The following C12orf71 variants were observed in gnomAD, a reference collection of about 807,000 sequenced individuals.
The protein encoded by C12orf71 is chromosome 12 open reading frame 71, also known as uncharacterized protein C12orf71.
In C12orf71, 10 loss-of-function variants were observed where a neutral mutation model predicts 11.7. The observed-to-expected ratio is 0.86, with a 90% CI of 0.53 to 1.45. The LOEUF is 1.45. Among genes scored for constraint, C12orf71 ranks in the 40% most tolerant of loss-of-function variants. The pLI, the probability that C12orf71 is intolerant of heterozygous loss-of-function variation, is 0.00. For missense variants in C12orf71, 293 were observed against 325.8 expected, an observed-to-expected ratio of 0.90 and a Z score of 0.78; for synonymous variants, 110 against 123.4, an observed-to-expected ratio of 0.89 and a Z score of 0.72.
chr12:27,082,263 T>C lies in C12orf71; in HGVS notation c.221A>G (p.Asp74Gly). 3.1e-6 allele frequency: 5 copies of C among 1,611,740 alleles called. No individual in the cohort carries two copies. Among genetic ancestry groups the C allele is most frequent in the African/African-American group, 2.7e-5 (2 of 74,888 alleles). ...CTGCTCTGGTTCATCCTGAATTTGG[T>C]CTTGTCTCTTCATGCGTCTCCCTAT... The part of the protein sequence containing the change: ...ERIGRRMKRQ[D>G]QIQDEPEQFC... The change falls in exon 1 of 2, where the codon GAC becomes GGC. Residue 74 changes from aspartate (D) to glycine (G), a missense_variant. Asp to Gly is a moderately conservative substitution (Grantham distance 94, BLOSUM62 -1). Coordinates refer to ENST00000429849, the MANE Select transcript of C12orf71 (RefSeq NM_001080406.2).
intron 1 of C12orf71, 73 bp downstream of exon 1, chr12:27,081,895 A>G (rs1941936251): frequency 7.0e-7 from 1 of 1,435,164 alleles, no homozygotes; most frequent in Non-Finnish European, 9.6e-7. Context: ...TGTGGAGACT[A>G]CATAACATCT....
Position 27,082,223 on chromosome 12 carries a change from G to C in C12orf71, c.261C>G (p.Ser87Arg). 1.9e-6 allele frequency: 3 copies of C among 1,613,642 alleles called. No individual in the cohort carries two copies. The South Asian group carries it at 3.3e-5, about 18-fold the overall frequency. ...QDEPEQFCKL[S>R]IFLAWDVDIG... Reference sequence around the variant, plus strand: ...TGTCCACGTCCCAGGCCAGGAAGATGCTTAGTTTGCAAAACTGCTCTGGTT... The same window carrying C: ...TGTCCACGTCCCAGGCCAGGAAGATCCTTAGTTTGCAAAACTGCTCTGGTT... The change falls in exon 1 of 2, where the codon AGC becomes AGG. Residue 87 changes from serine to arginine, a missense_variant. Coordinates refer to ENST00000429849, the MANE Select transcript of C12orf71 (RefSeq NM_001080406.2).
chr12:27,081,587 G>T, intron 1 of C12orf71, 120 bp from the exon 2 acceptor site: 1 of 946,200 alleles, frequency 1.1e-6, no homozygotes, highest in African/African-American at 1.6e-5. Flanking sequence ...TCAATGCAGA[G>T]TTTCAATGCT....
chr12:27,083,876 A>G (rs2136524037), upstream of C12orf71, among the ~76,000 whole-genome samples: 1 of 152,336 alleles, frequency 6.6e-6, no homozygotes. Context: ...CCACCGTCTG[A>G]TGACACTGTT....
chr12:27,081,472 C>T lies in C12orf71; in HGVS notation c.517-5G>A, dbSNP rs1339115230. ...GGCGGTTGCCTGGCTTATCATCTGC[C>T]ATGAAAATGAAGGATGTGTTAGGTA... On this transcript the variant is annotated splice_region_variant and splice_polypyrimidine_tract_variant and intron_variant, in intron 1 of 1. Coordinates refer to ENST00000429849, the MANE Select transcript of C12orf71 (RefSeq NM_001080406.2). 2 of 1,603,028 alleles carry T rather than the reference C, an allele frequency of 1.2e-6. No homozygotes were observed. Among genetic ancestry groups the T allele is most frequent in the Middle Eastern group, 1.7e-4 (1 of 6,016 alleles).
chr12:27,081,816 C>T, intron 1 of C12orf71, 152 bp downstream of exon 1: 1 of 856,712 alleles, frequency 1.2e-6, no homozygotes, highest in East Asian at 2.6e-5. Context: ...CCAGGCCTAT[C>T]CCTTCCTGTC....
At chr12:27,082,947 GTT>G (rs111300701), upstream of C12orf71, among the ~76,000 whole-genome samples, 1 of 141,110 alleles carries the variant, frequency 7.1e-6, no homozygotes. Context: ...GTTTGTTTTT[GTT>G]TTTTTTTTTG....
chr12:27,081,667 C>T (rs74075110), intron 1 of C12orf71, among the ~76,000 whole-genome samples, 200 bp from the exon 2 acceptor site: 26,707 of 151,810 alleles, frequency 0.18, 2,836 homozygotes, highest in African/African-American at 0.3. Flanking sequence ...TGCTTGCTAC[C>T]CTCTTGTTTC....
Position 27,081,124 on chromosome 12 carries a change from A to G in C12orf71, c.*50T>C, listed in dbSNP as rs563920102. 2 of 1,395,940 alleles carry G rather than the reference A, an allele frequency of 1.4e-6. No individual in the cohort carries two copies. The highest frequency in any genetic ancestry group is 4.6e-5 in the East Asian group (2 of 43,452). 86.5% of individuals were successfully genotyped at this position (1,395,940 alleles called of 1,614,324 possible). A position where few individuals can be genotyped will look rare whatever the true frequency, so the allele number is the denominator to read the frequency against. The stretch of plus-strand genomic sequence containing the variant: ...ACAAACTGATGGGGATTATTAATGG[A>G]ATCCTTATTATGGATTATTTTAAAC... On this transcript the variant is annotated 3_prime_UTR_variant, in exon 2 of 2. Coordinates refer to ENST00000429849, the MANE Select transcript of C12orf71 (RefSeq NM_001080406.2).
Position 27,082,144 on chromosome 12 carries a change from G to T in C12orf71, c.340C>A (p.Leu114Met), listed in dbSNP as rs549676884. 1.2e-6 allele frequency: 2 copies of T among 1,613,720 alleles called. No individual in the cohort carries two copies. The highest frequency in any genetic ancestry group is 1.7e-5 in the Admixed American group (1 of 59,976). The change falls in exon 1 of 2, where the codon CTG becomes ATG. Residue 114 changes from leucine to methionine, a missense_variant. Coordinates refer to ENST00000429849, the MANE Select transcript of C12orf71 (RefSeq NM_001080406.2). Reference protein sequence around the residue: ...RANRLLNGDNLWIDKLPKERT... With the variant: ...RANRLLNGDNMWIDKLPKERT... ...TCTTTTGGTAACTTGTCTATCCACA[G>T]GTTGTCTCCATTTAGAAGCCTATTA...
rs776062388 is a variant in C12orf71 at position 27,082,102 on chromosome 12, C to CA, written c.381dup (p.Val128CysfsTer6). ...TGCACAAGATTATTCAGTTTGCCAACAGACAGTTTTGTTCTCTCTTTTGGT... is the reference window on the plus strand; with the variant it reads ...TGCACAAGATTATTCAGTTTGCCAACAAGACAGTTTTGTTCTCTCTTTTGGT... On this transcript the variant is annotated frameshift_variant, in exon 1 of 2. Transcript: ENST00000429849. LOFTEE classifies it high-confidence loss of function. The CA allele has an allele frequency of 3.7e-6, 6 of 1,612,466 alleles. No homozygotes were observed. The South Asian group carries it at 6.6e-5, about 18-fold the overall frequency.
chr12:27,083,857 C>A (rs945563316), upstream of C12orf71, among the ~76,000 whole-genome samples: 2 of 152,172 alleles, frequency 1.3e-5, no homozygotes, highest in Non-Finnish European at 2.9e-5. Flanking sequence ...TATTTAGATG[C>A]CCATCCTCCC....
At chr12:27,083,132 G>A (rs1228216459), upstream of C12orf71, among the ~76,000 whole-genome samples, 1 of 151,920 alleles carries the variant, frequency 6.6e-6, no homozygotes, top group Non-Finnish European at 1.5e-5. Context: ...AGTAGAGAAG[G>A]GGTTTCACCA....
chr12:27,083,737 C>T (rs1030859916), upstream of C12orf71, among the ~76,000 whole-genome samples: 4 of 152,142 alleles, frequency 2.6e-5, no homozygotes, highest in African/African-American at 9.7e-5. Flanking sequence ...TTCCATAAAT[C>T]TTTGACTATG....
rs1283190887 is a variant in C12orf71, at chr12:27,081,163, T to C, written c.*11A>G. On this transcript the variant is annotated 3_prime_UTR_variant, in exon 2 of 2. Transcript: ENST00000429849. Reference sequence around the variant, plus strand: ...ATTATTTTAAACTTTCCAAAAAGTTTAAAAATCTGTCTATATGGGATGTCC... The same window carrying C: ...ATTATTTTAAACTTTCCAAAAAGTTCAAAAATCTGTCTATATGGGATGTCC... The C allele has an allele frequency of 7.6e-6, 12 of 1,568,898 alleles. No homozygotes were observed. Among genetic ancestry groups the C allele is most frequent in the Non-Finnish European group, 8.7e-6 (10 of 1,155,214 alleles).
At chr12:27,081,608 A>G in intron 1 of C12orf71, 141 bp from the exon 2 acceptor site, 2 of 817,684 alleles carry the variant, frequency 2.4e-6, no homozygotes, top group South Asian at 3.4e-5. Context: ...CATCAATACT[A>G]AACATATACG....
At chr12:27,082,590 AT>A (rs1339506256), upstream of C12orf71, 9 of 797,494 alleles carry the variant, frequency 1.1e-5, no homozygotes, top group Middle Eastern at 2.6e-4. Context: ...AAGCAAAAAC[AT>A]TATCCATTCC....
At position 27,082,278 on chromosome 12, in the gene C12orf71, C is replaced by A. The variant is rs201692205; in HGVS notation, c.206G>T (p.Arg69Leu). Residue 69 changes from arginine (R) to leucine (L), a missense_variant, in exon 1 of 2, where the codon CGC (arginine) becomes CTC (leucine). Physicochemically the swap from Arg to Leu is moderately radical, Grantham distance 102. Coordinates refer to ENST00000429849, the MANE Select transcript of C12orf71 (RefSeq NM_001080406.2). ...CTGAATTTGGTCTTGTCTCTTCATG[C>A]GTCTCCCTATCCTTTCAGTCCCCCA... ...GAWGTERIGR[R>L]MKRQDQIQDE... is the part of the protein sequence containing the mutation. 6.2e-7 allele frequency: 1 copy of A among 1,609,076 alleles called. No individual in the cohort carries two copies. The highest frequency in any genetic ancestry group is 8.5e-7 in the Non-Finnish European group (1 of 1,177,574).
At chr12:27,084,083 C>T (rs1296107455), upstream of C12orf71, among the ~76,000 whole-genome samples, 3 of 152,222 alleles carry the variant, frequency 2.0e-5, no homozygotes, top group Non-Finnish European at 4.4e-5. Flanking sequence ...AAATCCTTCA[C>T]ATCCCGAGTC....
Sources: allele counts gnomAD v4.1 joint callset (sites outside exome capture counted in the v4.1 genomes callset), GRCh38; gene constraint gnomAD v4.1.1; transcripts MANE v1.5; gene names NCBI Gene and HGNC (gene_info 2026-07-23, HGNC 2026-07-21).